Variants in MYO3B observed in about 807,000 individuals in gnomAD.
MYO3B encodes the protein myosin IIIB, also known as myosin-IIIb.
A neutral mutation model predicts 174.6 loss-of-function variants in MYO3B; 156 were observed. That is an observed-to-expected ratio of 0.89 (90% CI 0.78 to 1.02). MYO3B has a LOEUF of 1.02. Ranked by LOEUF, MYO3B falls within the 50% of genes least tolerant of loss-of-function variation. The pLI is 0.00. For synonymous variants in MYO3B, 563 were observed against 569.1 expected, an observed-to-expected ratio of 0.99 and a Z score of 0.15; for missense variants, 1,632 against 1,639.4, an observed-to-expected ratio of 1.00 and a Z score of 0.08.
chr2:170,609,000 T>TAACAAG (rs1381257720), intron 32 of MYO3B, among the ~76,000 whole-genome samples: 1 of 152,212 alleles, frequency 6.6e-6, no homozygotes, highest in Non-Finnish European at 1.5e-5. Flanking sequence ...GTTAACATGT[T>TAACAAG]TTAAGACATT....
At chr2:170,581,173 A>C (rs1356744117) in intron 32 of MYO3B, among the ~76,000 whole-genome samples, 1 of 152,142 alleles carries the variant, frequency 6.6e-6, no homozygotes, top group Non-Finnish European at 1.5e-5. Context: ...CCATATTCTC[A>C]CCAACTCTTT....
At chr2:170,261,262 G>T (rs1399135288) in intron 7 of MYO3B, among the ~76,000 whole-genome samples, 1 of 151,892 alleles carries the variant, frequency 6.6e-6, no homozygotes, top group South Asian at 2.1e-4. Context: ...GGCCTCAAGG[G>T]ATCCCACCCG....
At chr2:170,484,545 G>T (rs1248211074) in intron 25 of MYO3B, among the ~76,000 whole-genome samples, 1 of 152,126 alleles carries the variant, frequency 6.6e-6, no homozygotes, top group Non-Finnish European at 1.5e-5. Flanking sequence ...TTTATGAGGA[G>T]GCAGCAGTAG....
intron 30 of MYO3B, among the ~76,000 whole-genome samples, chr2:170,540,401 T>C (rs1438817957): frequency 1.3e-5 from 2 of 152,178 alleles, no homozygotes; most frequent in African/African-American, 4.8e-5. Flanking sequence ...TATGTATCCA[T>C]GCAATAAGCA....
intron 26 of MYO3B, among the ~76,000 whole-genome samples, chr2:170,499,021 G>A (rs976199472): frequency 6.6e-6 from 1 of 152,116 alleles, no homozygotes; most frequent in Admixed American, 6.5e-5. Flanking sequence ...CATATTAACG[G>A]CAGTGATGAG....
intron 32 of MYO3B, among the ~76,000 whole-genome samples, chr2:170,613,402 C>T (rs2105300258): frequency 6.6e-6 from 1 of 152,332 alleles, no homozygotes; most frequent in African/African-American, 2.4e-5. Context: ...ATCCTCTACC[C>T]AGAGCATCCA....
At chr2:170,205,153 C>T (rs900206910) in intron 3 of MYO3B, among the ~76,000 whole-genome samples, 2 of 152,122 alleles carry the variant, frequency 1.3e-5, no homozygotes, top group Admixed American at 6.5e-5. Context: ...GGGTAAGATT[C>T]CTTTGTTGTT....
At position 170,544,000 on chromosome 2, in the gene MYO3B, G is replaced by C; in HGVS notation, c.3733+12G>C. 5.1e-6 allele frequency: 8 copies of C among 1,583,344 alleles called. No homozygotes were observed. The highest frequency in any genetic ancestry group is 6.9e-6 in the Non-Finnish European group (8 of 1,153,108). On this transcript the variant is annotated intron_variant, in intron 32 of 34. Transcript: ENST00000408978. The stretch of plus-strand genomic sequence containing the variant: ...CCCTCAAAAGCCTGGTAAGAAGAAC[G>C]TTTTGAATTGCATGCGGCTTCTACC...
chr2:170,496,937 G>A (rs1450120151), intron 25 of MYO3B, among the ~76,000 whole-genome samples: 1 of 152,046 alleles, frequency 6.6e-6, no homozygotes, highest in African/African-American at 2.4e-5. Flanking sequence ...GCCTCAACAA[G>A]TTATATTTTT....
chr2:170,323,034 A>G (rs1300620249), intron 7 of MYO3B, among the ~76,000 whole-genome samples: 2 of 152,172 alleles, frequency 1.3e-5, no homozygotes, highest in Non-Finnish European at 2.9e-5. Flanking sequence ...TGCCCTTTAA[A>G]TGGTTTTGCT....
chr2:170,341,677 C>A (rs1027706964), intron 8 of MYO3B, among the ~76,000 whole-genome samples: 18 of 152,252 alleles, frequency 1.2e-4, no homozygotes, highest in African/African-American at 4.3e-4. Flanking sequence ...CCCAAATTAT[C>A]CACTCCTCAC....
At chr2:170,479,642 CAT>C (rs968628836) in intron 25 of MYO3B, among the ~76,000 whole-genome samples, 21 of 144,700 alleles carry the variant, frequency 1.5e-4, no homozygotes, top group Admixed American at 2.1e-4. Flanking sequence ...TTTATATATA[CAT>C]ATATATAACA....
At chr2:170,279,005 G>A (rs940180522) in intron 7 of MYO3B, among the ~76,000 whole-genome samples, 1 of 151,958 alleles carries the variant, frequency 6.6e-6, no homozygotes, top group African/African-American at 2.4e-5. Context: ...ATTCCATTGG[G>A]TAAATATATC....
intron 32 of MYO3B, among the ~76,000 whole-genome samples, chr2:170,615,844 T>A (rs1695431672): frequency 6.6e-6 from 1 of 152,160 alleles, no homozygotes; most frequent in African/African-American, 2.4e-5. Flanking sequence ...TTATTAAGTT[T>A]AGTGAGGGTG....
At chr2:170,261,018 CTTTTTG>C (rs993868427) in intron 7 of MYO3B, among the ~76,000 whole-genome samples, 1 of 152,028 alleles carries the variant, frequency 6.6e-6, no homozygotes, top group Non-Finnish European at 1.5e-5. Flanking sequence ...TCTTTCGTTT[CTTTTTG>C]TTTTTGTTTT....
rs2092806734 is a variant in MYO3B at position 170,214,493 on chromosome 2, T to G, written c.426+10T>G. On this transcript the variant is annotated intron_variant, in intron 4 of 34. Transcript: ENST00000408978. ...GTACGGGGCCCTCTTGGTAAGAACA[T>G]CTATCAAATGGGGTATGACAGCAGA... 6.2e-7 allele frequency: 1 copy of G among 1,611,504 alleles called. No individual in the cohort carries two copies. The highest frequency in any genetic ancestry group is 8.5e-7 in the Non-Finnish European group (1 of 1,177,606).
At chr2:170,486,296 A>G (rs1575058556) in intron 25 of MYO3B, among the ~76,000 whole-genome samples, 1 of 133,560 alleles carries the variant, frequency 7.5e-6, no homozygotes, top group Admixed American at 7.7e-5. Flanking sequence ...CACAGAATCC[A>G]TTCTTTTTTT....
chr2:170,549,342 C>G (rs138812214), intron 32 of MYO3B, among the ~76,000 whole-genome samples: 195 of 152,188 alleles, frequency 1.3e-3, no homozygotes, highest in African/African-American at 4.6e-3. Flanking sequence ...CTGAGGGGGT[C>G]ACAGTTGGCA....
At chr2:170,326,050 C>A (rs1392957122) in intron 7 of MYO3B, among the ~76,000 whole-genome samples, 2 of 152,010 alleles carry the variant, frequency 1.3e-5, no homozygotes, top group African/African-American at 4.8e-5. Flanking sequence ...TTGATAAGCA[C>A]GGCATGTTTA....
Sources: gnomAD v4.1 joint callset for allele counts (sites outside exome capture counted in the v4.1 genomes callset) on GRCh38, gnomAD v4.1.1 for gene constraint, MANE v1.5 for transcripts, NCBI Gene and HGNC (gene_info 2026-07-23, HGNC 2026-07-21) for gene names.